PXDNL: variants seen among roughly 807,000 people sequenced by gnomAD.
PXDNL encodes probable oxidoreductase PXDNL.
In PXDNL, 145 loss-of-function variants were observed where a neutral mutation model predicts 150.8. The observed-to-expected ratio is 0.96, with a 90% CI of 0.84 to 1.10. The LOEUF is 1.10. PXDNL is among the 50% of genes least tolerant of loss of function. The pLI is 0.00. For synonymous variants in PXDNL, 757 were observed against 725.7 expected (o/e 1.04, Z -0.69); for missense variants, 2,087 against 1,873.9 (o/e 1.11, Z -2.10).
intron 1 of PXDNL, among the ~76,000 whole-genome samples, chr8:51,750,477 G>A (rs888285456): frequency 1.3e-5 from 2 of 152,188 alleles, no homozygotes; most frequent in African/African-American, 4.8e-5. Context: ...ATGGCAGTAA[G>A]ACAGCTATGA....
intron 2 of PXDNL, among the ~76,000 whole-genome samples, chr8:51,597,334 A>T (rs1336595218): frequency 6.6e-6 from 1 of 152,100 alleles, no homozygotes; most frequent in Admixed American, 6.6e-5. Context: ...AAGTTGGGTA[A>T]TGTGATGCCT....
chr8:51,355,707 C>T (rs534931105), intron 19 of PXDNL, among the ~76,000 whole-genome samples: 1 of 152,264 alleles, frequency 6.6e-6, no homozygotes, highest in East Asian at 1.9e-4. Context: ...ACAAATGTGT[C>T]AATTGTAGAG....
chr8:51,789,869 A>C (rs900343852), intron 1 of PXDNL, among the ~76,000 whole-genome samples: 2 of 152,184 alleles, frequency 1.3e-5, no homozygotes, highest in African/African-American at 4.8e-5. Context: ...CTTTAGACTC[A>C]ATCATTTTTA....
intron 4 of PXDNL, among the ~76,000 whole-genome samples, chr8:51,508,396 GC>G (rs1189352708): frequency 2.0e-5 from 3 of 152,240 alleles, no homozygotes; most frequent in African/African-American, 7.2e-5. Context: ...GATCATTGCT[GC>G]TAAAGCTGGG....
chr8:51,621,774 T>A lies in PXDNL; in HGVS notation c.237-29076A>T, dbSNP rs367591723. Among the ~76,000 whole-genome samples the A allele has an allele frequency of 1.5e-4, 23 of 151,964 alleles. No homozygotes were observed. In the East Asian group the frequency reaches 4.4e-3, roughly 29 times the overall value. On this transcript the variant is annotated intron_variant, in intron 2 of 22. Coordinates refer to ENST00000356297, the MANE Select transcript of PXDNL (RefSeq NM_144651.5). ...GGGCAATATGGCAAAACCTTGTCTCTACAAAAAATACAAAAATTAGCTAGG... is the reference window on the plus strand; with the variant it reads ...GGGCAATATGGCAAAACCTTGTCTCAACAAAAAATACAAAAATTAGCTAGG...
intron 21 of PXDNL, among the ~76,000 whole-genome samples, chr8:51,335,653 T>C (rs893653950): frequency 2.0e-5 from 3 of 151,130 alleles, no homozygotes; most frequent in African/African-American, 7.3e-5. Context: ...TAAATTCTTA[T>C]ATCTCATCTC....
At chr8:51,737,996 G>A (rs546952128) in intron 1 of PXDNL, among the ~76,000 whole-genome samples, 49 of 152,208 alleles carry the variant, frequency 3.2e-4, no homozygotes, top group African/African-American at 1.1e-3. Context: ...CTCTAGTCAC[G>A]CAGATGACTG....
chr8:51,639,144 T>G (rs1291047838), intron 2 of PXDNL, among the ~76,000 whole-genome samples: 2 of 152,196 alleles, frequency 1.3e-5, no homozygotes, highest in Non-Finnish European at 2.9e-5. Context: ...AGATGTTCTT[T>G]GAAACCAAGG....
chr8:51,682,194 T>G (rs919704957), intron 1 of PXDNL, among the ~76,000 whole-genome samples: 4 of 152,156 alleles, frequency 2.6e-5, no homozygotes, highest in African/African-American at 9.7e-5. Flanking sequence ...ATTTTAAATA[T>G]GATCTTACAT....
At chr8:51,749,165 T>A (rs979160668) in intron 1 of PXDNL, among the ~76,000 whole-genome samples, 17 of 152,198 alleles carry the variant, frequency 1.1e-4, no homozygotes, top group Non-Finnish European at 4.4e-5. Context: ...GGAGGTATAA[T>A]TACTTCAAGG....
At chr8:51,486,246 A>C (rs1208361229) in intron 5 of PXDNL, among the ~76,000 whole-genome samples, 2 of 152,206 alleles carry the variant, frequency 1.3e-5, no homozygotes, top group East Asian at 3.9e-4. Flanking sequence ...TTCCATCATC[A>C]CAGATTTTGA....
intron 2 of PXDNL, among the ~76,000 whole-genome samples, chr8:51,617,960 C>G (rs1337970228): frequency 6.6e-6 from 1 of 152,212 alleles, no homozygotes; most frequent in Non-Finnish European, 1.5e-5. Context: ...TCCGTGACAG[C>G]CTTGCTCCAA....
chr8:51,768,877 C>A (rs559506667), intron 1 of PXDNL, among the ~76,000 whole-genome samples: 1 of 152,126 alleles, frequency 6.6e-6, no homozygotes, highest in Non-Finnish European at 1.5e-5. Flanking sequence ...GGGCGGATCA[C>A]GAGGTCAGGA....
At chr8:51,681,778 G>A (rs190504174) in intron 1 of PXDNL, among the ~76,000 whole-genome samples, 21 of 152,248 alleles carry the variant, frequency 1.4e-4, no homozygotes, top group African/African-American at 4.8e-4. Flanking sequence ...ACATATGTGC[G>A]ATGCCATATT....
At chr8:51,550,115 C>G (rs1314480381) in intron 4 of PXDNL, among the ~76,000 whole-genome samples, 2 of 152,110 alleles carry the variant, frequency 1.3e-5, no homozygotes, top group African/African-American at 4.8e-5. Context: ...ATATACAAAC[C>G]TCCTAGATTA....
intron 19 of PXDNL, among the ~76,000 whole-genome samples, chr8:51,369,069 T>A (rs13438832): frequency 0.013 from 1,992 of 152,278 alleles, 36 homozygotes; most frequent in African/African-American, 0.044. Flanking sequence ...AGAGTGAGAT[T>A]AGCAAAGGAG....
rs200802421 is a variant in PXDNL, at chr8:51,409,415, G to C, written c.2209C>G (p.Leu737Val). 1 of 1,611,822 alleles carries C rather than the reference G, an allele frequency of 6.2e-7. No individual in the cohort carries two copies. Among genetic ancestry groups the C allele is most frequent in the African/African-American group, 1.3e-5 (1 of 74,994 alleles). Reference protein sequence around the residue: ...YRAHDGTCNNLQQPTWGAALT... With the variant: ...YRAHDGTCNNVQQPTWGAALT... ...GCCGCGCCCCACGTGGGCTGCTGCA[G>C]GTTGTTGCACGTGCCGTCGTGGGCG... Residue 737 changes from leucine (L) to valine (V), a missense_variant, in exon 17 of 23, where the codon CTG (leucine) becomes GTG (valine). Leu to Val is a conservative substitution (Grantham distance 32). Transcript: ENST00000356297.
At chr8:51,493,283 C>T (rs201883527) in intron 5 of PXDNL, among the ~76,000 whole-genome samples, 4 of 152,058 alleles carry the variant, frequency 2.6e-5, no homozygotes, top group Non-Finnish European at 5.9e-5. Context: ...CCCATCTGTA[C>T]GTCACCATCA....
chr8:51,608,046 AAAGAAAGAAAGCAAGCAAGCAAGC>A (rs1429948383), intron 2 of PXDNL, among the ~76,000 whole-genome samples: 16 of 116,656 alleles, frequency 1.4e-4, no homozygotes, highest in African/African-American at 4.3e-4. Context: ...AGAAAGAAAG[AAAGAAAGAAAGCAAGCAAGCAAGC>A]AAGCAAGCAA....
Sources: gnomAD v4.1 joint callset for allele counts (sites outside exome capture counted in the v4.1 genomes callset) on GRCh38, gnomAD v4.1.1 for gene constraint, MANE v1.5 for transcripts, NCBI Gene and HGNC (gene_info 2026-07-23, HGNC 2026-07-21) for gene names.